Variants in SLC25A33 observed in about 807,000 individuals in gnomAD.
SLC25A33 encodes the protein bone marrow stromal cell mitochondrial carrier protein.
SLC25A33 carries 15 observed loss-of-function variants against 35.5 expected under a neutral mutation model. That is an observed-to-expected ratio of 0.42 (90% CI 0.28 to 0.65). The LOEUF (loss-of-function observed/expected upper bound fraction) is 0.65. SLC25A33 is among the 30% of genes least tolerant of loss of function. The probability of loss-of-function intolerance (pLI) is 0.20; values close to 1 mark genes in which losing one functional copy is unlikely to be tolerated. For missense variants in SLC25A33, 257 were observed against 398.5 expected (o/e 0.64, Z 3.02); for synonymous variants, 136 against 148.7 (o/e 0.91, Z 0.62).
rs1254595690 is a variant in SLC25A33 at position 9,541,158 on chromosome 1, C to CT, written c.56+1424dup. Among the ~76,000 whole-genome samples, 444 of 133,068 alleles carry CT rather than the reference C, an allele frequency of 3.3e-3. 1 individual carries two copies. Among genetic ancestry groups the CT allele is most frequent in the East Asian group, 4.5e-3 (21 of 4,680 alleles). The allele number at this position is 133,068 out of a possible 152,430, so 87.3% of individuals were successfully genotyped here. ...ACCAAGCCTGGCTAATTTTTTTTTTCTTTTTTTTTTTTTGAGACGGAGTTT... is the reference window on the plus strand; with the variant it reads ...ACCAAGCCTGGCTAATTTTTTTTTTCTTTTTTTTTTTTTTGAGACGGAGTTT... On this transcript the variant is annotated intron_variant, in intron 1 of 6. Transcript: ENST00000302692.
At chr1:9,574,284 A>G (rs1643631510) in intron 5 of SLC25A33, among the ~76,000 whole-genome samples, 1 of 151,896 alleles carries the variant, frequency 6.6e-6, no homozygotes, top group South Asian at 2.1e-4. Context: ...GTAGAGATGG[A>G]TCTTGCCATG....
chr1:9,541,511 G>A (rs2100363550), intron 1 of SLC25A33, among the ~76,000 whole-genome samples: 2 of 152,110 alleles, frequency 1.3e-5, no homozygotes, highest in Middle Eastern at 6.8e-3. Context: ...TGGCCAGGCT[G>A]GCACTCCTGA....
chr1:9,582,188 A>T lies in SLC25A33; in HGVS notation c.764-111A>T. 1.8e-6 allele frequency: 2 copies of T among 1,140,254 alleles called. No homozygotes were observed. Among genetic ancestry groups the T allele is most frequent in the Non-Finnish European group, 2.6e-6 (2 of 777,796 alleles). The allele number at this position is 1,140,254 out of a possible 1,614,324, so 70.6% of individuals were successfully genotyped here. A position where few individuals can be genotyped will look rare whatever the true frequency, so the allele number is the denominator to read the frequency against. On this transcript the variant is annotated intron_variant, in intron 6 of 6. Transcript: ENST00000302692. This position sits in a 1 kb window ranked among gnomAD's most constrained non-coding sequence, Gnocchi z 4.0. ...CTCGGCCTCCCAAAGTTCTGGGATTACAGGTGTGAGCCACCGCACCCGGCC... is the reference window on the plus strand; with the variant it reads ...CTCGGCCTCCCAAAGTTCTGGGATTTCAGGTGTGAGCCACCGCACCCGGCC...
chr1:9,544,881 A>C (rs997187902), intron 1 of SLC25A33, among the ~76,000 whole-genome samples: 1 of 152,202 alleles, frequency 6.6e-6, no homozygotes, highest in Admixed American at 6.5e-5. Flanking sequence ...GGTTTTTACA[A>C]ATTTTCCTTG....
intron 1 of SLC25A33, among the ~76,000 whole-genome samples, chr1:9,546,419 C>G (rs1047645099): frequency 1.3e-5 from 2 of 151,846 alleles, no homozygotes; most frequent in Non-Finnish European, 2.9e-5. Context: ...CTCCTGACCT[C>G]GTGATCCGCC....
chr1:9,552,585 T>G (rs1300819889), intron 1 of SLC25A33, among the ~76,000 whole-genome samples: 2 of 152,200 alleles, frequency 1.3e-5, no homozygotes, highest in African/African-American at 4.8e-5. Context: ...AATATTGATT[T>G]TCAAAATAGT....
At chr1:9,580,261 G>T (rs774381676) in intron 6 of SLC25A33, 27 bp downstream of exon 6, 1 of 1,603,106 alleles carries the variant, frequency 6.2e-7, no homozygotes, top group Non-Finnish European at 8.5e-7. Context: ...TTCTTCCAGA[G>T]CAGTAAAACA....
chr1:9,579,590 C>T (rs1311836777), intron 5 of SLC25A33, among the ~76,000 whole-genome samples: 1 of 152,202 alleles, frequency 6.6e-6, no homozygotes, highest in Non-Finnish European at 1.5e-5. Flanking sequence ...CTCCAGGAGC[C>T]TCCATGCGAT....
chr1:9,566,684 T>C (rs1643510651), intron 2 of SLC25A33, among the ~76,000 whole-genome samples: 1 of 151,838 alleles, frequency 6.6e-6, no homozygotes, highest in Non-Finnish European at 1.5e-5. Context: ...CCATCTCTAC[T>C]AAAAATATAA....
At position 9,570,333 on chromosome 1, in the gene SLC25A33, G is replaced by A. The variant is rs933862457; in HGVS notation, c.390G>A (p.Val130=). 1 of 1,613,892 alleles carries A rather than the reference G, an allele frequency of 6.2e-7. No homozygotes were observed. Among genetic ancestry groups the A allele is most frequent in the Non-Finnish European group, 8.5e-7 (1 of 1,179,950 alleles). The change falls in exon 4 of 7, where the codon GTG becomes GTA. Residue 130 remains valine (V), a synonymous_variant. Transcript: ENST00000302692. ...NGIFVPNSNI[V]HIFSAGSAAF... ...TTTTCGTGCCTAACAGCAATATTGT[G>A]CATATTTTCTCAGCTGGCTCTGCAG... is the stretch of plus-strand genomic sequence containing the variant.
intron 1 of SLC25A33, among the ~76,000 whole-genome samples, chr1:9,545,525 G>A (rs560666028): frequency 6.6e-6 from 1 of 152,092 alleles, no homozygotes; most frequent in Admixed American, 6.6e-5. Context: ...AGCCTCCTGA[G>A]TAGCTGGGAT....
intron 2 of SLC25A33, among the ~76,000 whole-genome samples, chr1:9,563,233 G>A (rs1394811014): frequency 6.6e-6 from 1 of 152,058 alleles, no homozygotes; most frequent in East Asian, 1.9e-4. Flanking sequence ...CGATTCTTTA[G>A]TATTTCAACA....
intron 1 of SLC25A33, among the ~76,000 whole-genome samples, chr1:9,540,796 A>G (rs898745415): frequency 6.6e-6 from 1 of 152,190 alleles, no homozygotes; most frequent in African/African-American, 2.4e-5. Flanking sequence ...AATGGTTGAG[A>G]AACTTATCTT....
chr1:9,579,330 C>A (rs1643705715), intron 5 of SLC25A33, among the ~76,000 whole-genome samples: 1 of 142,182 alleles, frequency 7.0e-6, no homozygotes, highest in African/African-American at 2.5e-5. Context: ...CCCCCGCCCA[C>A]CCACTTACCC....
intron 1 of SLC25A33, among the ~76,000 whole-genome samples, chr1:9,550,264 A>G (rs901161534): frequency 6.7e-6 from 1 of 148,636 alleles, no homozygotes; most frequent in Non-Finnish European, 1.5e-5. Context: ...GTGGCCTGCC[A>G]CCTTGAAAGA....
chr1:9,553,081 G>A (rs1643288661), intron 1 of SLC25A33, among the ~76,000 whole-genome samples: 1 of 150,342 alleles, frequency 6.7e-6, no homozygotes, highest in Non-Finnish European at 1.5e-5. Context: ...TAGTAGAGAT[G>A]GGGTTTTGCC....
At chr1:9,572,002 T>G (rs1039885334) in intron 4 of SLC25A33, among the ~76,000 whole-genome samples, 2 of 152,306 alleles carry the variant, frequency 1.3e-5, no homozygotes. Flanking sequence ...CTCCTACCAG[T>G]CTGTAAGATG....
intron 1 of SLC25A33, among the ~76,000 whole-genome samples, chr1:9,553,349 C>CGAG (rs1448287339): frequency 4.7e-5 from 7 of 150,364 alleles, no homozygotes; most frequent in African/African-American, 1.7e-4. Flanking sequence ...CTCAGCCTCC[C>CGAG]GAGTAGCTGG....
intron 1 of SLC25A33, among the ~76,000 whole-genome samples, chr1:9,541,034 C>T (rs143834321): frequency 2.0e-5 from 3 of 152,154 alleles, no homozygotes; most frequent in African/African-American, 7.2e-5. Flanking sequence ...GGCTGGAGTG[C>T]AGTGGTGCGA....
Sources: gnomAD v4.1 joint callset for allele counts (sites outside exome capture counted in the v4.1 genomes callset) on GRCh38, gnomAD v4.1.1 for gene constraint, Gnocchi (gnomAD v3.1) non-coding constraint, MANE v1.5 for transcripts, NCBI Gene and HGNC (gene_info 2026-07-23, HGNC 2026-07-21) for gene names.